Variants in UPK1B observed in about 807,000 individuals in gnomAD.
The protein encoded by UPK1B is uroplakin 1B.
Under a neutral mutation model 34.2 loss-of-function variants are expected in UPK1B, and 28 were observed. That is an observed-to-expected ratio of 0.82 (90% CI 0.61 to 1.12). The LOEUF is 1.12. UPK1B is among the 50% of genes most tolerant of loss of function. The pLI, the probability that UPK1B is intolerant of heterozygous loss-of-function variation, is 0.00. For synonymous variants in UPK1B, 81 were observed against 110.4 expected (o/e 0.73, Z 1.67); for missense variants, 325 against 320.9 (o/e 1.01, Z -0.10).
chr3:119,182,980 G>A (rs1019685516), intron 1 of UPK1B, among the ~76,000 whole-genome samples: 5 of 152,156 alleles, frequency 3.3e-5, no homozygotes, highest in Admixed American at 6.5e-5. Context: ...TATGAGCATC[G>A]TGTCCAGGGG....
intron 5 of UPK1B, among the ~76,000 whole-genome samples, chr3:119,191,773 T>C (rs1022474302): frequency 2.6e-5 from 4 of 152,168 alleles, no homozygotes; most frequent in African/African-American, 7.2e-5. Context: ...CCATGTACCA[T>C]AGGACCTGGA....
chr3:119,201,433 G>T (rs954778638), intron 7 of UPK1B, among the ~76,000 whole-genome samples: 2 of 152,152 alleles, frequency 1.3e-5, no homozygotes, highest in Admixed American at 6.5e-5. Context: ...ATGACGGCAG[G>T]CAACACAGCG....
At chr3:119,186,932 C>A in intron 2 of UPK1B, 122 bp downstream of exon 2, 1 of 992,284 alleles carries the variant, frequency 1.0e-6, no homozygotes, top group Non-Finnish European at 1.5e-6. Context: ...ATTTTTGCTT[C>A]ATTTTAAGAA....
chr3:119,192,495 T>C (rs767893163), intron 5 of UPK1B, among the ~76,000 whole-genome samples: 10 of 152,362 alleles, frequency 6.6e-5, no homozygotes, highest in Admixed American at 2.0e-4. Context: ...TATTTCCTAG[T>C]ATATTTTCCC....
At chr3:119,198,985 C>T (rs1346123565) in intron 6 of UPK1B, 72 bp from the exon 7 acceptor site, 5 of 1,548,688 alleles carry the variant, frequency 3.2e-6, no homozygotes, top group Non-Finnish European at 4.4e-6. Flanking sequence ...CAATAGGAAC[C>T]TGCTTTCCCA....
intron 1 of UPK1B, among the ~76,000 whole-genome samples, chr3:119,185,926 G>T (rs1298695054): frequency 5.9e-5 from 9 of 152,202 alleles, no homozygotes; most frequent in Non-Finnish European, 1.2e-4. Context: ...GTCACTGTGG[G>T]CTGTGGGGAA....
intron 1 of UPK1B, among the ~76,000 whole-genome samples, chr3:119,185,231 A>G (rs985405757): frequency 9.2e-5 from 14 of 152,342 alleles, no homozygotes; most frequent in South Asian, 6.2e-4. Context: ...ACAGCTACCC[A>G]GGTAAACAGA....
chr3:119,195,106 C>G (rs1038227694), intron 6 of UPK1B, among the ~76,000 whole-genome samples: 3 of 152,178 alleles, frequency 2.0e-5, no homozygotes, highest in Non-Finnish European at 4.4e-5. Context: ...CTAATAAATA[C>G]CTTGCTGAGG....
intron 1 of UPK1B, among the ~76,000 whole-genome samples, chr3:119,186,140 G>A (rs1375083833): frequency 1.3e-5 from 2 of 152,212 alleles, no homozygotes; most frequent in East Asian, 3.8e-4. Context: ...TGGTAGAGTG[G>A]CACACACCTG....
rs553589265 is a variant in UPK1B, at chr3:119,179,743, G to A, written c.-29+6105G>A. Among the ~76,000 whole-genome samples, 706 of 141,708 alleles carry A rather than the reference G, an allele frequency of 5.0e-3. 1 individual carries two copies. Among genetic ancestry groups the A allele is most frequent in the Middle Eastern group, 0.024 (6 of 250 alleles). The allele number at this position is 141,708 out of a possible 152,430, so 93.0% of individuals were successfully genotyped here. On this transcript the variant is annotated intron_variant, in intron 1 of 7. Coordinates refer to ENST00000264234, the MANE Select transcript of UPK1B (RefSeq NM_006952.4). The stretch of plus-strand genomic sequence containing the variant: ...AGGATGGTCTCCATCTCCTGACCTC[G>A]TGATCCACCCGCCTCGGCCTCCCAG...
rs60685268 is a variant in UPK1B at position 119,179,352 on chromosome 3, G to GATATATATAT, written c.-29+5751_-29+5760dup. Among the ~76,000 whole-genome samples, 137 of 46,824 alleles carry GATATATATAT rather than the reference G, an allele frequency of 2.9e-3. 4 individuals are homozygous for GATATATATAT. Among genetic ancestry groups the GATATATATAT allele is most frequent in the Non-Finnish European group, 3.7e-3 (75 of 20,354 alleles). The allele number at this position is 46,824 out of a possible 152,430, so 30.7% of individuals were successfully genotyped here. A position where few individuals can be genotyped will look rare whatever the true frequency, so the allele number is the denominator to read the frequency against. ...AGAGAGAGGGAGAGAGAGAGAGGGA[G>GATATATATAT]ATATATATATATATATATATATATA... is the stretch of plus-strand genomic sequence containing the variant. On this transcript the variant is annotated intron_variant, in intron 1 of 7. Coordinates refer to ENST00000264234, the MANE Select transcript of UPK1B (RefSeq NM_006952.4).
At chr3:119,189,996 A>G (rs1041245386) in intron 3 of UPK1B, among the ~76,000 whole-genome samples, 20 of 152,236 alleles carry the variant, frequency 1.3e-4, no homozygotes, top group African/African-American at 4.6e-4. Context: ...CAGTTAAAAT[A>G]GAAACTCAGG....
At position 119,198,899 on chromosome 3, in the gene UPK1B, A is replaced by G. The variant is rs1024605043; in HGVS notation, c.649-158A>G. Among the ~76,000 whole-genome samples the G allele has an allele frequency of 3.9e-5, 6 of 152,224 alleles. No individual in the cohort carries two copies. In the East Asian group the frequency reaches 9.6e-4, roughly 24 times the overall value. On this transcript the variant is annotated intron_variant, in intron 6 of 7. Coordinates refer to ENST00000264234, the MANE Select transcript of UPK1B (RefSeq NM_006952.4). ...GTTTATGTTCCCTTAGTAAAGCACT[A>G]TTAGTAGCTGGCTGTCCTCAGAGAT...
At chr3:119,191,611 A>G (rs1184170477) in intron 5 of UPK1B, among the ~76,000 whole-genome samples, 15 of 152,000 alleles carry the variant, frequency 9.9e-5, no homozygotes, top group Admixed American at 9.8e-4. Context: ...CTCCTACTCC[A>G]CACCCCACCA....
At position 119,196,235 on chromosome 3, in the gene UPK1B, C is replaced by T. The variant is rs999623691; in HGVS notation, c.648+1837C>T. ...TCCCTAGCCCAGCCTCCCAGATTCC[C>T]ACACACCACCATTCTCCCTGACTCA... On this transcript the variant is annotated intron_variant, in intron 6 of 7. Transcript: ENST00000264234. 5.3e-5 allele frequency among the ~76,000 whole-genome samples: 8 copies of T among 152,088 alleles called. No homozygotes were observed. The East Asian group carries it at 1.5e-3, about 29-fold the overall frequency.
At position 119,187,797 on chromosome 3, in the gene UPK1B, C is replaced by A; in HGVS notation, c.92C>A (p.Ala31Glu). 4 of 1,613,706 alleles carry A rather than the reference C, an allele frequency of 2.5e-6. No homozygotes were observed. The Middle Eastern group carries it at 5.0e-4, about 200-fold the overall frequency. ...CAGTGTTGCGGCATTGCCCTGACTGCGGAGTGCATCTTCTTTGTATCTGAC... is the reference window on the plus strand; with the variant it reads ...CAGTGTTGCGGCATTGCCCTGACTGAGGAGTGCATCTTCTTTGTATCTGAC... ...IIGCCGIALT[A>E]ECIFFVSDQH... Residue 31 changes from alanine to glutamate, a missense_variant, in exon 3 of 8, where the codon GCG (alanine) becomes GAG (glutamate). Physicochemically the swap from Ala to Glu is moderately radical, Grantham distance 107 (BLOSUM62 -1). Coordinates refer to ENST00000264234, the MANE Select transcript of UPK1B (RefSeq NM_006952.4).
At chr3:119,194,081 G>A (rs2078055825) in intron 5 of UPK1B, 138 bp from the exon 6 acceptor site, 3 of 824,910 alleles carry the variant, frequency 3.6e-6, no homozygotes, top group Admixed American at 3.2e-5. Flanking sequence ...ACCTTCAGCT[G>A]TCATTTGGGG....
chr3:119,194,207 A>C lies in UPK1B; in HGVS notation c.469-12A>C. ...CACGAAAGAGAATTTTGTATCTCTC[A>C]TCTGCTGACAGGACAATTGCTGTGG... On this transcript the variant is annotated splice_polypyrimidine_tract_variant and intron_variant, in intron 5 of 7. Transcript: ENST00000264234. 6.2e-7 allele frequency: 1 copy of C among 1,612,956 alleles called. No homozygotes were observed. The highest frequency in any genetic ancestry group is 8.5e-7 in the Non-Finnish European group (1 of 1,179,464).
chr3:119,183,280 T>G (rs2077997920), intron 1 of UPK1B, among the ~76,000 whole-genome samples: 1 of 151,746 alleles, frequency 6.6e-6, no homozygotes, highest in African/African-American at 2.4e-5. Context: ...TGTTTTTTTT[T>G]TTTTTGGAGA....
Sources: allele counts gnomAD v4.1 joint callset (sites outside exome capture counted in the v4.1 genomes callset), GRCh38; gene constraint gnomAD v4.1.1; transcripts MANE v1.5; gene names NCBI Gene and HGNC (gene_info 2026-07-23, HGNC 2026-07-21).